DCP1A: variants seen among roughly 807,000 people sequenced by gnomAD.
DCP1A encodes decapping mRNA 1A, also known as mRNA-decapping enzyme 1A.
A neutral mutation model predicts 58.0 loss-of-function variants in DCP1A; 20 were observed. That is an observed-to-expected ratio of 0.34 (90% CI 0.24 to 0.50). The LOEUF is 0.50. Ranked by LOEUF, DCP1A falls within the 20% of genes least tolerant of loss-of-function variation. The probability of loss-of-function intolerance (pLI) is 0.98; values close to 1 mark genes in which losing one functional copy is unlikely to be tolerated. For synonymous variants in DCP1A, 285 were observed against 275.1 expected (o/e 1.04, Z -0.36); for missense variants, 613 against 712.2 (o/e 0.86, Z 1.59).
intron 3 of DCP1A, among the ~76,000 whole-genome samples, chr3:53,330,825 AT>A (rs71087077): frequency 0.33 from 39,904 of 121,440 alleles, 6,489 homozygotes; most frequent in Non-Finnish European, 0.4. Flanking sequence ...ATATATATAT[AT>A]TTTTTTTTTT....
At chr3:53,300,555 T>G (rs782318540) in intron 6 of DCP1A, among the ~76,000 whole-genome samples, 7 of 152,124 alleles carry the variant, frequency 4.6e-5, no homozygotes, top group Non-Finnish European at 5.9e-5. Flanking sequence ...GTCAGGCTGG[T>G]CTTGAACTCC....
chr3:53,295,267 G>A (rs985299528), intron 6 of DCP1A, among the ~76,000 whole-genome samples: 18 of 152,150 alleles, frequency 1.2e-4, no homozygotes, highest in Admixed American at 7.2e-4. Context: ...CTGTTGTGGA[G>A]GAAGAGGCAA....
Position 53,292,046 on chromosome 3 carries a change from C to A in DCP1A, c.1383+23G>T. 2.5e-6 allele frequency: 4 copies of A among 1,581,698 alleles called. No homozygotes were observed. In the South Asian group the frequency reaches 4.5e-5, roughly 18 times the overall value. On this transcript the variant is annotated intron_variant, in intron 7 of 9. Transcript: ENST00000610213. ...TCCAGTTACAGTTACCCACTCTGCC[C>A]ACCCCCACCCTCCTGCCATTACCTG...
chr3:53,300,297 G>A (rs1553687277), intron 6 of DCP1A, among the ~76,000 whole-genome samples: 1 of 150,880 alleles, frequency 6.6e-6, no homozygotes, highest in Non-Finnish European at 1.5e-5. Flanking sequence ...TCTATGGCTT[G>A]TCACACTCAT....
At position 53,347,284 on chromosome 3, in the gene DCP1A, G is replaced by A. The variant is rs143146713; in HGVS notation, c.135+99C>T. On this transcript the variant is annotated intron_variant, in intron 1 of 9. Transcript: ENST00000610213. ...ACCCTGGCCTCGTCTCCACCGCCCT[G>A]GCCTCTTAGTGTGCCCCCCCACCCC... 8.9e-4 allele frequency: 1,198 copies of A among 1,351,322 alleles called. 8 individuals carry two copies. In the African/African-American group the frequency reaches 0.016, roughly 18 times the overall value. 83.7% of individuals were successfully genotyped at this position (1,351,322 alleles called of 1,614,324 possible).
intron 3 of DCP1A, among the ~76,000 whole-genome samples, chr3:53,340,331 C>T (rs371281491): frequency 2.0e-5 from 3 of 152,164 alleles, no homozygotes; most frequent in Non-Finnish European, 4.4e-5. Flanking sequence ...ACAGCTATTA[C>T]AAAGCATGTC....
chr3:53,327,015 C>T (rs1708128502), intron 3 of DCP1A, among the ~76,000 whole-genome samples: 1 of 149,422 alleles, frequency 6.7e-6, no homozygotes, highest in Non-Finnish European at 1.5e-5. Context: ...GCTCTAGTAT[C>T]CCACACAAAT....
At chr3:53,323,861 CAA>C (rs11451581) in intron 3 of DCP1A, among the ~76,000 whole-genome samples, 7 of 72,790 alleles carry the variant, frequency 9.6e-5, no homozygotes, top group Admixed American at 1.6e-4. Flanking sequence ...GACTCTGTCT[CAA>C]AAAAAAAAAA....
At chr3:53,335,984 G>C (rs2089107891) in intron 3 of DCP1A, among the ~76,000 whole-genome samples, 1 of 151,772 alleles carries the variant, frequency 6.6e-6, no homozygotes, top group Non-Finnish European at 1.5e-5. Context: ...ATTTTTTATA[G>C]AGACAGGGTT....
At chr3:53,311,156 A>G (rs1250903142) in intron 5 of DCP1A, among the ~76,000 whole-genome samples, 2 of 152,230 alleles carry the variant, frequency 1.3e-5, no homozygotes, top group Non-Finnish European at 2.9e-5. Context: ...TCACTGATTA[A>G]TAACTTAGTA....
intron 1 of DCP1A, 144 bp downstream of exon 1, chr3:53,347,239 C>G: frequency 9.8e-7 from 1 of 1,024,702 alleles, no homozygotes; most frequent in Non-Finnish European, 1.3e-6. Context: ...CCCTCAGGCT[C>G]TGGCTAGGCT....
intron 3 of DCP1A, among the ~76,000 whole-genome samples, chr3:53,339,974 G>A (rs1214906355): frequency 6.6e-6 from 1 of 152,028 alleles, no homozygotes; most frequent in Non-Finnish European, 1.5e-5. Flanking sequence ...AGGCTGGAGT[G>A]CAGTGGCGCA....
In DCP1A at chr3:53,312,259, G is replaced by C. The variant is rs1197742382; in HGVS notation, c.492C>G (p.Ala164=). The change falls in exon 5 of 10, where the codon GCC becomes GCG. Residue 164 remains alanine, a synonymous_variant. Coordinates refer to ENST00000610213, the MANE Select transcript of DCP1A (RefSeq NM_018403.7). ...PIDILEMLSR[A]KDEYERNQMG... ...GCCTCACCCTCTCATACTCATCCTT[G>C]GCTCTGCTCAGCATCTCCAGGATGT... 3 of 1,608,850 alleles carry C rather than the reference G, an allele frequency of 1.9e-6. No homozygotes were observed. Among genetic ancestry groups the C allele is most frequent in the Non-Finnish European group, 2.5e-6 (3 of 1,177,818 alleles).
At chr3:53,291,393 C>T (rs578036341) in intron 7 of DCP1A, among the ~76,000 whole-genome samples, 11 of 151,950 alleles carry the variant, frequency 7.2e-5, no homozygotes, top group Non-Finnish European at 1.5e-4. Flanking sequence ...ACTATAATCA[C>T]CCTGTTGTGT....
At chr3:53,317,251 C>T (rs1407070752) in intron 4 of DCP1A, among the ~76,000 whole-genome samples, 2 of 152,150 alleles carry the variant, frequency 1.3e-5, no homozygotes, top group African/African-American at 4.8e-5. Context: ...CCGCAACCTC[C>T]AGCTTCCGGG....
In DCP1A at chr3:53,284,151, TCTC is replaced by T. The variant is rs1235951229; in HGVS notation, c.*3426_*3428del. 2 of 152,266 alleles carry T rather than the reference TCTC, an allele frequency of 1.3e-5. No individual in the cohort carries two copies. Among genetic ancestry groups the T allele is most frequent in the East Asian group, 1.9e-4 (1 of 5,190 alleles). The allele number at this position is 152,266 out of a possible 1,614,324, so 9.4% of individuals were successfully genotyped here. ...GATGCGCACCCTAGGATTCCTCAGTTCTCCTCACTCACACGGGCTGAGCCCACT... is the reference window on the plus strand; with the variant it reads ...GATGCGCACCCTAGGATTCCTCAGTTCTCACTCACACGGGCTGAGCCCACT... On this transcript the variant is annotated 3_prime_UTR_variant, in exon 10 of 10. Transcript: ENST00000610213.
At chr3:53,287,683 A>G (rs781788546) in intron 9 of DCP1A, 23 bp from the exon 10 acceptor site, 1 of 1,554,368 alleles carries the variant, frequency 6.4e-7, no homozygotes. Context: ...GTAAAGGTTA[A>G]GGATACGAAT....
chr3:53,339,731 A>G (rs1164788249), intron 3 of DCP1A, among the ~76,000 whole-genome samples: 1 of 152,152 alleles, frequency 6.6e-6, no homozygotes. Flanking sequence ...TGTGAAAAAA[A>G]TATAATACAA....
intron 1 of DCP1A, among the ~76,000 whole-genome samples, chr3:53,346,760 T>C (rs1284081370): frequency 6.6e-6 from 1 of 152,124 alleles, no homozygotes; most frequent in Non-Finnish European, 1.5e-5. Flanking sequence ...GTCTCTCTTG[T>C]TTGTACAAAG....
Sources: gnomAD v4.1 joint callset for allele counts (sites outside exome capture counted in the v4.1 genomes callset) on GRCh38, gnomAD v4.1.1 for gene constraint, MANE v1.5 for transcripts, NCBI Gene and HGNC (gene_info 2026-07-23, HGNC 2026-07-21) for gene names.